EYS: variants seen among roughly 807,000 people sequenced by gnomAD.
EYS encodes the protein EGF-like photoreceptor maintenance factor.
A neutral mutation model predicts 282.1 loss-of-function variants in EYS; 250 were observed. The ratio of observed to expected loss-of-function variants is 0.89; its 90% CI spans 0.80 to 0.98. The LOEUF (loss-of-function observed/expected upper bound fraction) is 0.98, where lower values mean the gene tolerates loss of function less well. Ranked by LOEUF, EYS falls within the 50% of genes least tolerant of loss-of-function variation. EYS has a pLI of 0.00. For synonymous variants in EYS, 1,355 were observed against 1,282.9 expected (o/e 1.06, Z -1.20); for missense variants, 4,016 against 3,709.0 (o/e 1.08, Z -2.15).
chr6:64,035,031 T>C (rs1284581012), intron 33 of EYS, among the ~76,000 whole-genome samples: 1 of 152,122 alleles, frequency 6.6e-6, no homozygotes, highest in East Asian at 1.9e-4. Flanking sequence ...TTGTCACAGC[T>C]GAAGGGTGGG....
intron 22 of EYS, among the ~76,000 whole-genome samples, chr6:64,636,129 C>T (rs1415386716): frequency 6.6e-6 from 1 of 152,102 alleles, no homozygotes; most frequent in Admixed American, 6.5e-5. Flanking sequence ...CCTGCATCAC[C>T]AAGTCAATCC....
At chr6:65,705,108 C>T (rs1769827770) in intron 1 of EYS, among the ~76,000 whole-genome samples, 2 of 152,034 alleles carry the variant, frequency 1.3e-5, no homozygotes, top group African/African-American at 4.8e-5. Flanking sequence ...ATTAGACCAC[C>T]TTCTCCAGTG....
intron 26 of EYS, among the ~76,000 whole-genome samples, chr6:64,507,337 G>C (rs1364549599): frequency 6.6e-6 from 1 of 152,150 alleles, no homozygotes; most frequent in Non-Finnish European, 1.5e-5. Context: ...CTGTTTAAAA[G>C]AGGATGAGAG....
intron 36 of EYS, among the ~76,000 whole-genome samples, chr6:63,830,831 C>G (rs983848717): frequency 6.6e-6 from 1 of 152,164 alleles, no homozygotes. Flanking sequence ...GTCAGGTTAC[C>G]CACAAAGGGA....
At chr6:65,505,322 G>A (rs1259629157) in intron 2 of EYS, among the ~76,000 whole-genome samples, 1 of 151,592 alleles carries the variant, frequency 6.6e-6, no homozygotes, top group African/African-American at 2.4e-5. Flanking sequence ...CCTGACTAGA[G>A]TCTTTACCAA....
At position 63,720,494 on chromosome 6, in the gene EYS, AAT is replaced by A. The variant is rs1768329812; in HGVS notation, c.*100_*101del. On this transcript the variant is annotated 3_prime_UTR_variant, in exon 43 of 43. Coordinates refer to ENST00000503581, the MANE Select transcript of EYS (RefSeq NM_001142800.2). Reference sequence around the variant, plus strand: ...TGTTAGCATTTAGACTATTTCAGGTAATATAGTAAACAGTTGATTCCCCGTAA... The same window carrying A: ...TGTTAGCATTTAGACTATTTCAGGTAATAGTAAACAGTTGATTCCCCGTAA... The A allele has an allele frequency of 1.3e-6, 1 of 786,828 alleles. No individual in the cohort carries two copies. The highest frequency in any genetic ancestry group is 1.9e-6 in the Non-Finnish European group (1 of 516,044). The allele number at this position is 786,828 out of a possible 1,614,324, so 48.7% of individuals were successfully genotyped here.
At chr6:63,991,704 G>T (rs186339195) in intron 34 of EYS, among the ~76,000 whole-genome samples, 170 of 151,706 alleles carry the variant, frequency 1.1e-3, no homozygotes, top group Admixed American at 2.3e-3. Flanking sequence ...AATAATGAAT[G>T]AAAACTCCAT....
At position 65,267,535 on chromosome 6, in the gene EYS, C is replaced by T. The variant is rs192472522; in HGVS notation, c.2023+28328G>A. On this transcript the variant is annotated intron_variant, in intron 12 of 42. Coordinates refer to ENST00000503581, the MANE Select transcript of EYS (RefSeq NM_001142800.2). Reference sequence around the variant, plus strand: ...CTAGATCTGATGAATCATAATTTATCGGATGAAGCACAATAACATATGTTT... The same window carrying T: ...CTAGATCTGATGAATCATAATTTATTGGATGAAGCACAATAACATATGTTT... Among the ~76,000 whole-genome samples, 27 of 152,050 alleles carry T rather than the reference C, an allele frequency of 1.8e-4. No individual in the cohort carries two copies. The East Asian group carries it at 4.6e-3, about 26-fold the overall frequency.
intron 36 of EYS, among the ~76,000 whole-genome samples, chr6:63,853,825 C>T (rs1013745259): frequency 1.3e-5 from 2 of 152,142 alleles, no homozygotes; most frequent in African/African-American, 4.8e-5. Flanking sequence ...TCAGATATTA[C>T]ACCACAGATG....
At chr6:63,758,429 A>T (rs923225336) in intron 41 of EYS, among the ~76,000 whole-genome samples, 2 of 152,116 alleles carry the variant, frequency 1.3e-5, no homozygotes, top group African/African-American at 4.8e-5. Context: ...CCTGCATTTT[A>T]CCCAAATGTA....
intron 12 of EYS, among the ~76,000 whole-genome samples, chr6:65,058,798 A>T (rs551242615): frequency 6.6e-6 from 1 of 151,568 alleles, no homozygotes; most frequent in East Asian, 2.0e-4. Flanking sequence ...CTCAACTGAC[A>T]CTGAATTGAT....
intron 41 of EYS, among the ~76,000 whole-genome samples, chr6:63,728,701 T>C (rs1768703843): frequency 6.6e-6 from 1 of 152,304 alleles, no homozygotes; most frequent in East Asian, 1.9e-4. Context: ...ATACATCATA[T>C]CCTCTTTGCT....
chr6:63,923,550 A>G lies in EYS; in HGVS notation c.7056-59192T>C, dbSNP rs568120056. 8.5e-5 allele frequency among the ~76,000 whole-genome samples: 13 copies of G among 152,332 alleles called. No homozygotes were observed. The South Asian group carries it at 2.7e-3, about 32-fold the overall frequency. ...ACTGTTTAAGCCAAATCTTTAAAAA[A>G]TTTTTATAAGAAAAAAATTATATTT... On this transcript the variant is annotated intron_variant, in intron 35 of 42. Transcript: ENST00000503581.
At chr6:65,521,180 AT>A (rs1270836287) in intron 2 of EYS, among the ~76,000 whole-genome samples, 1 of 152,134 alleles carries the variant, frequency 6.6e-6, no homozygotes, top group African/African-American at 2.4e-5. Context: ...CATTTTAGAG[AT>A]GTAGAAATCA....
At chr6:65,640,925 G>A (rs980533556) in intron 1 of EYS, among the ~76,000 whole-genome samples, 1 of 151,502 alleles carries the variant, frequency 6.6e-6, no homozygotes, top group Admixed American at 6.6e-5. Context: ...TATTATCTGT[G>A]CCCTATTTCT....
chr6:64,452,655 A>G (rs1409904704), intron 26 of EYS, among the ~76,000 whole-genome samples: 2 of 152,194 alleles, frequency 1.3e-5, no homozygotes, highest in Non-Finnish European at 2.9e-5. Context: ...TGGTACCAAA[A>G]CAGAGATACA....
chr6:65,391,198 G>A (rs970518985), intron 7 of EYS, among the ~76,000 whole-genome samples: 1 of 151,878 alleles, frequency 6.6e-6, no homozygotes, highest in Non-Finnish European at 1.5e-5. Flanking sequence ...GCATTTAGGG[G>A]GCCAGATTAC....
At chr6:64,134,339 T>A (rs1177862135) in intron 31 of EYS, among the ~76,000 whole-genome samples, 1 of 151,976 alleles carries the variant, frequency 6.6e-6, no homozygotes, top group East Asian at 1.9e-4. Context: ...GAAAAATGAT[T>A]TAGTATTTCA....
intron 22 of EYS, among the ~76,000 whole-genome samples, chr6:64,662,652 C>A (rs1181987075): frequency 1.3e-5 from 2 of 152,116 alleles, no homozygotes; most frequent in African/African-American, 4.8e-5. Flanking sequence ...TAGGCTAAAT[C>A]AAATTTAGCC....
Sources: gnomAD v4.1 joint callset for allele counts (sites outside exome capture counted in the v4.1 genomes callset) on GRCh38, gnomAD v4.1.1 for gene constraint, MANE v1.5 for transcripts, NCBI Gene and HGNC (gene_info 2026-07-23, HGNC 2026-07-21) for gene names.